The following ZNF488 variants were observed in gnomAD, a reference collection of about 807,000 sequenced individuals.
ZNF488 encodes the protein zinc finger protein 488.
A neutral mutation model predicts 1.2 loss-of-function variants in ZNF488; 1 was observed. The ratio of observed to expected loss-of-function variants is 0.86; its 90% confidence interval spans 0.30 to 4.07. The LOEUF is 4.07. Ranked by LOEUF, ZNF488 falls within the 30% of genes most tolerant of loss-of-function variation. The probability of loss-of-function intolerance (pLI) is 0.18; values close to 1 mark genes in which losing one functional copy is unlikely to be tolerated. For missense variants in ZNF488, 450 were observed against 437.9 expected, an observed-to-expected ratio of 1.03 and a Z score of -0.25; for synonymous variants, 185 against 190.1, an observed-to-expected ratio of 0.97 and a Z score of 0.22.
chr10:47,367,477 A>C lies in ZNF488; in HGVS notation c.*330T>G, dbSNP rs1334784850. 1.4e-5 allele frequency: 5 copies of C among 352,026 alleles called. No homozygotes were observed. Among genetic ancestry groups the C allele is most frequent in the Non-Finnish European group, 2.7e-5 (5 of 185,620 alleles). The allele number at this position is 352,026 out of a possible 1,614,324, so 21.8% of individuals were successfully genotyped here. Reference sequence around the variant, plus strand: ...GTTAAAGCTCTTTGTCCAGGGTCACAGCTAGTATGTGAAAGAGCCCAGATT... The same window carrying C: ...GTTAAAGCTCTTTGTCCAGGGTCACCGCTAGTATGTGAAAGAGCCCAGATT... On this transcript the variant is annotated 3_prime_UTR_variant, in exon 2 of 2. Coordinates refer to ENST00000585316, the MANE Select transcript of ZNF488 (RefSeq NM_153034.4).
chr10:47,375,905 G>A (rs1371505574), intron 1 of ZNF488, among the ~76,000 whole-genome samples: 2 of 152,124 alleles, frequency 1.3e-5, no homozygotes, highest in African/African-American at 2.4e-5. Flanking sequence ...GAAAAGAGAG[G>A]GCAGAAAGAA....
rs1555213202 is a variant in ZNF488, at chr10:47,368,277, A to T, written c.553T>A (p.Ser185Thr). The part of the protein sequence containing the change: ...ELTSVFPAGE[S>T]ADALGELSGL... ...GACAGCTCCCCCAGGGCATCTGCAG[A>T]TTCCCCTGCAGGGAAGACTGAGGTT... The change falls in exon 2 of 2, where the codon TCT becomes ACT. Residue 185 changes from serine (S) to threonine (T), a missense_variant. Coordinates refer to ENST00000585316, the MANE Select transcript of ZNF488 (RefSeq NM_153034.4). The T allele has an allele frequency of 7.4e-6, 12 of 1,614,186 alleles. No individual in the cohort carries two copies. The highest frequency in any genetic ancestry group is 1.0e-5 in the Non-Finnish European group (12 of 1,180,028).
chr10:47,368,968 A>C, intron 1 of ZNF488, 31 bp from the exon 2 acceptor site: 2 of 982,700 alleles, frequency 2.0e-6, no homozygotes. Context: ...AGGCAGTGAG[A>C]TGGGCATTCA....
Position 47,367,913 on chromosome 10 carries a change from T to A in ZNF488, c.917A>T (p.Asp306Val), listed in dbSNP as rs1837277552. ...SHHKKEHAGPDPHSQKRREEA... is the reference protein window; with the variant it reads ...SHHKKEHAGPVPHSQKRREEA... ...TTCTCTCCGCTTCTGAGAATGTGGG[T>A]CAGGCCCCGCATGCTCCTTTTTGTG... Residue 306 changes from aspartate to valine, a missense_variant, in exon 2 of 2, where the codon GAC (aspartate) becomes GTC (valine). Asp to Val is a radical substitution (Grantham distance 152). Coordinates refer to ENST00000585316, the MANE Select transcript of ZNF488 (RefSeq NM_153034.4). 1 of 1,613,942 alleles carries A rather than the reference T, an allele frequency of 6.2e-7. No individual in the cohort carries two copies. The highest frequency in any genetic ancestry group is 8.5e-7 in the Non-Finnish European group (1 of 1,180,028).
rs1351786930 is a variant in ZNF488, at chr10:47,367,437, A to G, written c.*370T>C. 2 of 251,762 alleles carry G rather than the reference A, an allele frequency of 7.9e-6. No individual in the cohort carries two copies. The highest frequency in any genetic ancestry group is 1.6e-5 in the Non-Finnish European group (2 of 123,102). 15.6% of individuals were successfully genotyped at this position (251,762 alleles called of 1,614,324 possible). ...TCATCTCCATTTCACAGATGAGAAA[A>G]TGGGGACTCAGCAGGTTAAAGCTCT... On this transcript the variant is annotated 3_prime_UTR_variant, in exon 2 of 2. Coordinates refer to ENST00000585316, the MANE Select transcript of ZNF488 (RefSeq NM_153034.4).
At chr10:47,377,344 C>G (rs1458330298) in intron 1 of ZNF488, among the ~76,000 whole-genome samples, 1 of 152,106 alleles carries the variant, frequency 6.6e-6, no homozygotes, top group Admixed American at 6.5e-5. Context: ...CTTTTTTGAG[C>G]TTATTTCTCC....
At position 47,368,820 on chromosome 10, in the gene ZNF488, A is replaced by T. The variant is rs1555213487; in HGVS notation, c.10T>A (p.Trp4Arg). Reference sequence around the variant, plus strand: ...GGGGCCACAGATAAGCAAGGTGGCCACTCTGGCATTCATCAGTCTTTGGGG... The same window carrying T: ...GGGGCCACAGATAAGCAAGGTGGCCTCTCTGGCATTCATCAGTCTTTGGGG... MPE[W>R]PPCLSVAPAL... Residue 4 changes from tryptophan to arginine, a missense_variant, in exon 2 of 2, where the codon TGG (tryptophan) becomes AGG (arginine). Coordinates refer to ENST00000585316, the MANE Select transcript of ZNF488 (RefSeq NM_153034.4). 1.6e-5 allele frequency: 26 copies of T among 1,586,744 alleles called. No homozygotes were observed. The highest frequency in any genetic ancestry group is 2.2e-5 in the Non-Finnish European group (26 of 1,167,250).
chr10:47,373,701 G>A (rs1441311440), intron 1 of ZNF488, among the ~76,000 whole-genome samples: 1 of 152,204 alleles, frequency 6.6e-6, no homozygotes, highest in African/African-American at 2.4e-5. Flanking sequence ...CCATGCTGCT[G>A]GGACATGGGA....
intron 1 of ZNF488, among the ~76,000 whole-genome samples, chr10:47,370,666 C>A (rs534364956): frequency 6.6e-6 from 1 of 152,302 alleles, no homozygotes; most frequent in East Asian, 1.9e-4. Context: ...ATGCGTAACT[C>A]CAGAGACATG....
chr10:47,378,254 C>T (rs531696692), intron 1 of ZNF488, among the ~76,000 whole-genome samples: 1 of 152,314 alleles, frequency 6.6e-6, no homozygotes, highest in African/African-American at 2.4e-5. Flanking sequence ...CCTGGAAGTG[C>T]CCACGGTGTG....
chr10:47,367,727 C>A lies in ZNF488; in HGVS notation c.*80G>T, dbSNP rs984912601. On this transcript the variant is annotated 3_prime_UTR_variant, in exon 2 of 2. Transcript: ENST00000585316. ...GCAGCTCTGCAAAGGACCATGACAG[C>A]CCCCTCAACGCAGGCCCAGGGAGCC... 2 of 1,477,970 alleles carry A rather than the reference C, an allele frequency of 1.4e-6. No individual in the cohort carries two copies. Among genetic ancestry groups the A allele is most frequent in the Non-Finnish European group, 9.1e-7 (1 of 1,095,496 alleles). 91.6% of individuals were successfully genotyped at this position (1,477,970 alleles called of 1,614,324 possible). A position where few individuals can be genotyped will look rare whatever the true frequency, so the allele number is the denominator to read the frequency against.
chr10:47,377,249 T>C (rs529265345), intron 1 of ZNF488, among the ~76,000 whole-genome samples: 1 of 152,326 alleles, frequency 6.6e-6, no homozygotes, highest in East Asian at 1.9e-4. Flanking sequence ...CTACTCAGCA[T>C]CCTTCCTAAC....
intron 1 of ZNF488, among the ~76,000 whole-genome samples, chr10:47,382,612 C>T (rs1214276553): frequency 1.3e-5 from 2 of 152,084 alleles, no homozygotes; most frequent in Non-Finnish European, 2.9e-5. Context: ...GATATAAAGG[C>T]AATTTAACTT....
intron 1 of ZNF488, among the ~76,000 whole-genome samples, chr10:47,375,043 C>T (rs552403437): frequency 8.5e-5 from 13 of 152,346 alleles, no homozygotes; most frequent in African/African-American, 2.2e-4. Context: ...CACCCCCTGA[C>T]GAAACTGAGT....
At chr10:47,374,588 C>T (rs1555214206) in intron 1 of ZNF488, among the ~76,000 whole-genome samples, 1 of 152,132 alleles carries the variant, frequency 6.6e-6, no homozygotes, top group African/African-American at 2.4e-5. Flanking sequence ...TCATGCAGCT[C>T]ATTAAATCCC....
Position 47,367,802 on chromosome 10 carries a change from A to G in ZNF488, c.*5T>C, listed in dbSNP as rs1555213025. 19 of 1,603,156 alleles carry G rather than the reference A, an allele frequency of 1.2e-5. No individual in the cohort carries two copies. Among genetic ancestry groups the G allele is most frequent in the Non-Finnish European group, 1.5e-5 (18 of 1,174,838 alleles). On this transcript the variant is annotated 3_prime_UTR_variant, in exon 2 of 2. Transcript: ENST00000585316. ...GCACCCAGCAGGTCATTCTGCGGTCACCTGCTAGCTGTGAGAAGTCATGTG... is the reference window on the plus strand; with the variant it reads ...GCACCCAGCAGGTCATTCTGCGGTCGCCTGCTAGCTGTGAGAAGTCATGTG...
rs1555213287 is a variant in ZNF488, at chr10:47,368,534, T to C, written c.296A>G (p.Gln99Arg). 1 of 1,613,630 alleles carries C rather than the reference T, an allele frequency of 6.2e-7. No individual in the cohort carries two copies. Among genetic ancestry groups the C allele is most frequent in the Non-Finnish European group, 8.5e-7 (1 of 1,179,970 alleles). ...CCTCGGCAGCTCCGTGAAGGCGCTC[T>C]GCCTCTGCTCTCCACGTGTCTTCGG... ...LPPKTRGEQR[Q>R]SAFTELPRMK... is the part of the protein sequence containing the mutation. The change falls in exon 2 of 2, where the codon CAG (glutamine) becomes CGG (arginine). Residue 99 changes from glutamine (Q) to arginine (R), a missense_variant. Transcript: ENST00000585316.
chr10:47,371,792 G>C (rs1407974534), intron 1 of ZNF488, among the ~76,000 whole-genome samples: 2 of 152,076 alleles, frequency 1.3e-5, no homozygotes, highest in Non-Finnish European at 2.9e-5. Flanking sequence ...TCCTCCCACT[G>C]TCTACTCTCC....
chr10:47,382,089 ACT>A (rs1837988055), intron 1 of ZNF488, among the ~76,000 whole-genome samples: 1 of 152,136 alleles, frequency 6.6e-6, no homozygotes, highest in Admixed American at 6.5e-5. Context: ...TCAGACAAAC[ACT>A]CTGGGCCTCC....
Sources: gnomAD v4.1 joint callset for allele counts (sites outside exome capture counted in the v4.1 genomes callset) on GRCh38, gnomAD v4.1.1 for gene constraint, MANE v1.5 for transcripts, NCBI Gene and HGNC (gene_info 2026-07-23, HGNC 2026-07-21) for gene names.